EPRS1: variants seen among roughly 807,000 people sequenced by gnomAD.
EPRS1 encodes glutamyl-prolyl-tRNA synthetase 1.
A neutral mutation model predicts 188.3 loss-of-function variants in EPRS1; 107 were observed. The ratio of observed to expected loss-of-function variants is 0.57; its 90% CI spans 0.49 to 0.67. The LOEUF is 0.67. EPRS1 is among the 30% of genes least tolerant of loss of function. The pLI, the probability that EPRS1 is intolerant of heterozygous loss-of-function variation, is 0.00. For synonymous variants in EPRS1, 596 were observed against 593.1 expected, an observed-to-expected ratio of 1.00 and a Z score of -0.07; for missense variants, 1,577 against 1,802.2, an observed-to-expected ratio of 0.88 and a Z score of 2.26.
intron 1 of EPRS1, among the ~76,000 whole-genome samples, chr1:220,046,110 C>T (rs1050664965): frequency 6.6e-6 from 1 of 152,196 alleles, no homozygotes; most frequent in Non-Finnish European, 1.5e-5. Context: ...CCCGGGCTCA[C>T]ACTGCGCCTC....
intron 30 of EPRS1, among the ~76,000 whole-genome samples, chr1:219,970,564 A>T (rs1324359234): frequency 2.0e-5 from 3 of 152,154 alleles, no homozygotes; most frequent in Non-Finnish European, 4.4e-5. Flanking sequence ...GGGTCACCTG[A>T]GGTCAGAGTT....
chr1:220,011,169 A>G (rs1661598733), intron 12 of EPRS1, 113 bp from the exon 13 acceptor site: 2 of 604,420 alleles, frequency 3.3e-6, no homozygotes, highest in Non-Finnish European at 5.8e-6. Flanking sequence ...TGCATTTACT[A>G]ATTTTTTTTC....
At position 220,002,025 on chromosome 1, in the gene EPRS1, T is replaced by C. The variant is rs371991083; in HGVS notation, c.2064-770A>G. 4.2e-4 allele frequency among the ~76,000 whole-genome samples: 60 copies of C among 142,866 alleles called. 1 individual carries two copies. Among genetic ancestry groups the C allele is most frequent in the African/African-American group, 1.5e-3 (58 of 37,896 alleles). 93.7% of individuals were successfully genotyped at this position (142,866 alleles called of 152,430 possible). On this transcript the variant is annotated intron_variant, in intron 16 of 31. Transcript: ENST00000366923. The stretch of plus-strand genomic sequence containing the variant: ...GCCTGCGTGACAGAGTGAGATTCTG[T>C]CTCCAAAGAAAAAAAAAAAATTGGT...
chr1:220,024,478 A>G (rs1444339765), intron 7 of EPRS1, 22 bp from the exon 8 acceptor site: 1 of 1,555,786 alleles, frequency 6.4e-7, no homozygotes, highest in Non-Finnish European at 8.7e-7. Flanking sequence ...AACCAAAATA[A>G]CCATCAGTAT....
chr1:220,044,378 G>A (rs879368055), intron 1 of EPRS1, among the ~76,000 whole-genome samples: 6 of 152,118 alleles, frequency 3.9e-5, no homozygotes, highest in Non-Finnish European at 1.5e-5. Context: ...TCTGAGTTCT[G>A]TAATACACTA....
At position 219,972,033 on chromosome 1, in the gene EPRS1, T is replaced by C. The variant is rs746281647; in HGVS notation, c.4323+36A>G. ...AGCCTTAAAATACAATTTACTTAAA[T>C]ATTCTTATACTGAAAAGTTTTCCAA... On this transcript the variant is annotated intron_variant, in intron 30 of 31. Transcript: ENST00000366923. 7 of 1,296,642 alleles carry C rather than the reference T, an allele frequency of 5.4e-6. No homozygotes were observed. The East Asian group carries it at 9.5e-5, about 18-fold the overall frequency. 80.3% of individuals were successfully genotyped at this position (1,296,642 alleles called of 1,614,324 possible). A position where few individuals can be genotyped will look rare whatever the true frequency, so the allele number is the denominator to read the frequency against.
intron 6 of EPRS1, among the ~76,000 whole-genome samples, chr1:220,027,334 A>G (rs903810189): frequency 1.3e-5 from 2 of 152,098 alleles, no homozygotes; most frequent in African/African-American, 4.8e-5. Context: ...AGGCTGAGGC[A>G]GGAGAATGGC....
intron 7 of EPRS1, 36 bp from the exon 8 acceptor site, chr1:220,024,492 T>TCTG: frequency 6.7e-7 from 1 of 1,499,068 alleles, no homozygotes; most frequent in Non-Finnish European, 9.0e-7. Context: ...TCAGTATATC[T>TCTG]TTTGCATTTT....
At chr1:219,969,722 A>C (rs965219772) in intron 30 of EPRS1, among the ~76,000 whole-genome samples, 39 of 152,008 alleles carry the variant, frequency 2.6e-4, no homozygotes, top group African/African-American at 8.7e-4. Context: ...CAAGATACTT[A>C]GGATTTTATT....
At position 220,027,578 on chromosome 1, in the gene EPRS1, C is replaced by T. The variant is rs557944208; in HGVS notation, c.624-2320G>A. On this transcript the variant is annotated intron_variant, in intron 6 of 31. Transcript: ENST00000366923. ...CTGCACGCCAGCCTGGACAACAGTG[C>T]GAGGCTATGTCAAAAAAAAAAAAAA... 4.1e-5 allele frequency among the ~76,000 whole-genome samples: 4 copies of T among 96,958 alleles called. No homozygotes were observed. In the South Asian group the frequency reaches 1.1e-3, roughly 27 times the overall value. 63.6% of individuals were successfully genotyped at this position (96,958 alleles called of 152,430 possible). A position where few individuals can be genotyped will look rare whatever the true frequency, so the allele number is the denominator to read the frequency against.
intron 21 of EPRS1, among the ~76,000 whole-genome samples, chr1:219,983,606 A>G (rs993233469): frequency 1.3e-5 from 2 of 152,146 alleles, no homozygotes; most frequent in African/African-American, 4.8e-5. Context: ...ATAAAACTTG[A>G]ATTCCACCGG....
chr1:220,041,329 C>CA (rs767205899), intron 1 of EPRS1, among the ~76,000 whole-genome samples: 4,962 of 128,892 alleles, frequency 0.038, 245 homozygotes, highest in African/African-American at 0.12. Flanking sequence ...GAAACTGTCT[C>CA]AAAAAAAAAA....
chr1:220,003,700 G>A (rs917269520), intron 16 of EPRS1, among the ~76,000 whole-genome samples: 2 of 152,166 alleles, frequency 1.3e-5, no homozygotes, highest in Admixed American at 6.5e-5. Flanking sequence ...TGTTATTTTA[G>A]TTGGTGGTAC....
chr1:220,033,610 AAT>A lies in EPRS1; in HGVS notation c.278_279del (p.Asp93ValfsTer7). On this transcript the variant is annotated frameshift_variant, in exon 4 of 32. Coordinates refer to ENST00000366923, the MANE Select transcript of EPRS1 (RefSeq NM_004446.3). LOFTEE classifies it high-confidence loss of function. ...EFSATKLSSC[D>X]SFTSTINELN... ...AGTTCATTAATTGTAGAAGTAAAGGAATCACATGAAGATAATTTTGTAGCACT... is the reference window on the plus strand; with the variant it reads ...AGTTCATTAATTGTAGAAGTAAAGGACACATGAAGATAATTTTGTAGCACT... 6.2e-7 allele frequency: 1 copy of A among 1,608,752 alleles called. No homozygotes were observed. The highest frequency in any genetic ancestry group is 8.5e-7 in the Non-Finnish European group (1 of 1,175,394).
In EPRS1 at chr1:219,980,209, A is replaced by G. The variant is rs778601693; in HGVS notation, c.3587T>C (p.Val1196Ala). The G allele has an allele frequency of 6.2e-7, 1 of 1,613,114 alleles. No homozygotes were observed. The highest frequency in any genetic ancestry group is 1.1e-5 in the South Asian group (1 of 91,036). Residue 1196 changes from valine to alanine, a missense_variant, in exon 26 of 32, where the codon GTA becomes GCA. Physicochemically the swap from Val to Ala is moderately conservative, Grantham distance 64. Transcript: ENST00000366923. ...AGGAATTGCCAGGAGTTCTTCATAT[A>G]CCTGAGCATATAAGTCAAGTATCTG... ...VLQILDLYAQ[V>A]YEELLAIPVV... is the part of the protein sequence containing the mutation.
chr1:219,984,298 C>T (rs1462079507), intron 20 of EPRS1, 41 bp from the exon 21 acceptor site: 6 of 1,404,344 alleles, frequency 4.3e-6, no homozygotes, highest in Non-Finnish European at 6.1e-6. Flanking sequence ...CTTCATTCAG[C>T]AACTGCTTTA....
intron 2 of EPRS1, 37 bp downstream of exon 2, chr1:220,040,148 C>T (rs754250294): frequency 7.5e-7 from 1 of 1,336,802 alleles, no homozygotes; most frequent in Non-Finnish European, 1.1e-6. Context: ...AAGAAAAAGC[C>T]AATCAGTACT....
intron 25 of EPRS1, 78 bp downstream of exon 25, chr1:219,980,678 T>C (rs900449492): frequency 7.1e-6 from 7 of 981,438 alleles, no homozygotes; most frequent in Non-Finnish European, 1.1e-5. Flanking sequence ...AGGTGTTACA[T>C]ACATTTTAAA....
intron 8 of EPRS1, among the ~76,000 whole-genome samples, chr1:220,022,855 C>A (rs1346878779): frequency 6.6e-6 from 1 of 152,256 alleles, no homozygotes; most frequent in Non-Finnish European, 1.5e-5. Flanking sequence ...GCACAACGGG[C>A]CAGCCCCTTC....
Sources: gnomAD v4.1 joint callset for allele counts (sites outside exome capture counted in the v4.1 genomes callset) on GRCh38, gnomAD v4.1.1 for gene constraint, MANE v1.5 for transcripts, NCBI Gene and HGNC (gene_info 2026-07-23, HGNC 2026-07-21) for gene names.